ANKRD55: variants seen among roughly 807,000 people sequenced by gnomAD.
The protein encoded by ANKRD55 is ankyrin repeat domain-containing protein 55.
A neutral mutation model predicts 60.6 loss-of-function variants in ANKRD55; 41 were observed. That is an observed-to-expected ratio of 0.68 (90% CI 0.53 to 0.88). The LOEUF is 0.88. Ranked by LOEUF, ANKRD55 falls within the 40% of genes least tolerant of loss-of-function variation. The pLI, the probability that ANKRD55 is intolerant of heterozygous loss-of-function variation, is 0.00. For missense variants in ANKRD55, 732 were observed against 767.6 expected, an observed-to-expected ratio of 0.95 and a Z score of 0.55; for synonymous variants, 264 against 290.3, an observed-to-expected ratio of 0.91 and a Z score of 0.92.
At chr5:56,116,805 G>A (rs1328810313) in intron 8 of ANKRD55, 23 bp from the exon 9 acceptor site, 6 of 1,574,196 alleles carry the variant, frequency 3.8e-6, no homozygotes, top group South Asian at 2.3e-5. Context: ...TGTGAAAAAA[G>A]CACAAGCGTC....
intron 9 of ANKRD55, 141 bp downstream of exon 9, chr5:56,116,474 T>C (rs180837754): frequency 2.8e-6 from 2 of 705,856 alleles, no homozygotes; most frequent in South Asian, 6.6e-5. Flanking sequence ...TTTAATGTCT[T>C]TAATACTATG....
In ANKRD55 at chr5:56,116,667, C is replaced by T; in HGVS notation, c.913G>A (p.Ala305Thr). The change falls in exon 9 of 12, where the codon GCC becomes ACC. Residue 305 changes from alanine to threonine, a missense_variant. Coordinates refer to ENST00000341048, the MANE Select transcript of ANKRD55 (RefSeq NM_024669.3). Reference protein sequence around the residue: ...DINESTPLAYALYCGHTACVK... With the variant: ...DINESTPLAYTLYCGHTACVK... The stretch of plus-strand genomic sequence containing the variant: ...CACGCCGTGTGACCGCAGTACAGGG[C>T]ATAGGCCAAGGGCGTGCTCTCATTG... The T allele has an allele frequency of 6.2e-7, 1 of 1,612,906 alleles. No homozygotes were observed. Among genetic ancestry groups the T allele is most frequent in the Non-Finnish European group, 8.5e-7 (1 of 1,179,468 alleles).
intron 2 of ANKRD55, among the ~76,000 whole-genome samples, chr5:56,220,927 C>G (rs1240336054): frequency 6.6e-6 from 1 of 152,234 alleles, no homozygotes; most frequent in African/African-American, 2.4e-5. Flanking sequence ...CTCTTTCTCT[C>G]TTCTCCACTT....
chr5:56,109,074 CA>C lies in ANKRD55; in HGVS notation c.1630+2043del, dbSNP rs1561249586. Among the ~76,000 whole-genome samples, 738 of 146,288 alleles carry C rather than the reference CA, an allele frequency of 5.0e-3. 4 individuals are homozygous for C. Among genetic ancestry groups the C allele is most frequent in the African/African-American group, 0.016 (677 of 41,054 alleles). On this transcript the variant is annotated intron_variant, in intron 10 of 11. Coordinates refer to ENST00000341048, the MANE Select transcript of ANKRD55 (RefSeq NM_024669.3). ...ACACACACACACACACACACACACA[CA>C]CACACCCCACCGCCCAACAAAAACC...
intron 10 of ANKRD55, 123 bp from the exon 11 acceptor site, chr5:56,102,709 C>T (rs1756325272): frequency 1.6e-6 from 1 of 611,700 alleles, no homozygotes; most frequent in African/African-American, 1.9e-5. Flanking sequence ...GTAACAATAA[C>T]AATGAAAACA....
At chr5:56,232,259 A>G (rs943066146) in intron 2 of ANKRD55, among the ~76,000 whole-genome samples, 6 of 152,212 alleles carry the variant, frequency 3.9e-5, no homozygotes, top group African/African-American at 1.4e-4. Context: ...AATTACCTCC[A>G]CTCCAGAAAT....
At chr5:56,133,082 C>T (rs367926988) in intron 7 of ANKRD55, among the ~76,000 whole-genome samples, 249 of 152,262 alleles carry the variant, frequency 1.6e-3, no homozygotes, top group African/African-American at 5.9e-3. Flanking sequence ...ACTTCAACAT[C>T]CCTCTATCAG....
intron 9 of ANKRD55, among the ~76,000 whole-genome samples, chr5:56,115,416 T>C (rs1376939347): frequency 6.6e-6 from 1 of 151,030 alleles, no homozygotes; most frequent in Admixed American, 6.6e-5. Flanking sequence ...CCTCCCAGGC[T>C]CAAGCGATTC....
intron 2 of ANKRD55, among the ~76,000 whole-genome samples, chr5:56,204,839 C>T (rs1326994009): frequency 6.6e-6 from 1 of 152,170 alleles, no homozygotes; most frequent in African/African-American, 2.4e-5. Flanking sequence ...TCCAATCTTC[C>T]TTACTTTCTT....
chr5:56,182,989 C>A (rs900073482), intron 3 of ANKRD55, among the ~76,000 whole-genome samples: 2 of 152,144 alleles, frequency 1.3e-5, no homozygotes, highest in Middle Eastern at 3.2e-3. Context: ...TTCTGGGTTG[C>A]CAGCTTCTTC....
chr5:56,119,090 C>T (rs1756966933), intron 8 of ANKRD55, among the ~76,000 whole-genome samples: 1 of 152,194 alleles, frequency 6.6e-6, no homozygotes, highest in Non-Finnish European at 1.5e-5. Flanking sequence ...GAAATAAAAA[C>T]TTACATTCAC....
At chr5:56,127,436 GACA>G in intron 7 of ANKRD55, 1 of 985,158 alleles carries the variant, frequency 1.0e-6, no homozygotes, top group Admixed American at 6.2e-5. Flanking sequence ...GGGCCACCTA[GACA>G]ACAACTTGCT....
At chr5:56,185,295 T>C (rs564420892) in intron 2 of ANKRD55, among the ~76,000 whole-genome samples, 1 of 152,114 alleles carries the variant, frequency 6.6e-6, no homozygotes, top group South Asian at 2.1e-4. Flanking sequence ...TGAGTTCTGC[T>C]CAAGAGGAGG....
chr5:56,150,155 C>G (rs1236466378), intron 6 of ANKRD55, among the ~76,000 whole-genome samples: 1 of 152,040 alleles, frequency 6.6e-6, no homozygotes, highest in Non-Finnish European at 1.5e-5. Context: ...TCACTAACTT[C>G]TAATTGAAAT....
chr5:56,114,468 C>T (rs1275233785), intron 9 of ANKRD55, among the ~76,000 whole-genome samples: 5 of 152,216 alleles, frequency 3.3e-5, no homozygotes, highest in Non-Finnish European at 7.3e-5. Flanking sequence ...CTTATATTCA[C>T]ATTGTAAGCT....
chr5:56,171,537 C>T (rs1758611167), intron 4 of ANKRD55, among the ~76,000 whole-genome samples: 1 of 152,180 alleles, frequency 6.6e-6, no homozygotes, highest in Non-Finnish European at 1.5e-5. Flanking sequence ...AGCCCTCCCT[C>T]CCATGCTACT....
chr5:56,215,161 A>C (rs1043939148), intron 2 of ANKRD55, among the ~76,000 whole-genome samples: 2 of 152,142 alleles, frequency 1.3e-5, no homozygotes, highest in Non-Finnish European at 2.9e-5. Flanking sequence ...TCTTGGAGAA[A>C]GGTCCACTTG....
chr5:56,212,976 A>C (rs1330672293), intron 2 of ANKRD55, among the ~76,000 whole-genome samples: 3 of 152,246 alleles, frequency 2.0e-5, no homozygotes, highest in African/African-American at 7.2e-5. Context: ...CCTCACCAAA[A>C]TATCATAATT....
chr5:56,207,613 T>C (rs1160425257), intron 2 of ANKRD55, among the ~76,000 whole-genome samples: 1 of 152,222 alleles, frequency 6.6e-6, no homozygotes, highest in Non-Finnish European at 1.5e-5. Flanking sequence ...TACTGAATAC[T>C]GTAGGCAATT....
Sources: gnomAD v4.1 joint callset for allele counts (sites outside exome capture counted in the v4.1 genomes callset) on GRCh38, gnomAD v4.1.1 for gene constraint, MANE v1.5 for transcripts, NCBI Gene and HGNC (gene_info 2026-07-23, HGNC 2026-07-21) for gene names.